The following LGSN variants were observed in gnomAD, a reference collection of about 807,000 sequenced individuals.
The protein encoded by LGSN is lengsin, lens protein with glutamine synthetase domain.
A neutral mutation model predicts 19.5 loss-of-function variants in LGSN; 21 were observed. The observed-to-expected ratio is 1.07, with a 90% CI of 0.76 to 1.55. The LOEUF (loss-of-function observed/expected upper bound fraction) is 1.55. Ranked by LOEUF, LGSN falls within the 40% of genes most tolerant of loss-of-function variation. LGSN has a pLI of 0.00. For synonymous variants in LGSN, 257 were observed against 215.6 expected (o/e 1.19, Z -1.68); for missense variants, 673 against 608.5 (o/e 1.11, Z -1.12).
the LGSN span, among the ~76,000 whole-genome samples, chr6:63,468,701 T>C: frequency 6.6e-6 from 1 of 152,208 alleles, no homozygotes; most frequent in African/African-American, 2.4e-5. Flanking sequence ...GTGCTAGGAT[T>C]ACAGGCATGA....
chr6:63,315,033 A>C (rs946126370), intron 1 of LGSN, among the ~76,000 whole-genome samples: 3 of 152,190 alleles, frequency 2.0e-5, no homozygotes, highest in African/African-American at 7.2e-5. Context: ...GGAATCCAAG[A>C]CAGATGGGAT....
chr6:63,282,603 G>A (rs1170053591), intron 3 of LGSN, among the ~76,000 whole-genome samples: 1 of 152,078 alleles, frequency 6.6e-6, no homozygotes, highest in Non-Finnish European at 1.5e-5. Flanking sequence ...GTAATTTACT[G>A]GTTCACTCTT....
At chr6:63,423,662 TA>T in the LGSN span, among the ~76,000 whole-genome samples, 2 of 151,636 alleles carry the variant, frequency 1.3e-5, no homozygotes, top group African/African-American at 2.4e-5. Context: ...TATGTAATAA[TA>T]AAAAAGTAAT....
chr6:63,459,408 T>A, the LGSN span, among the ~76,000 whole-genome samples: 10 of 152,308 alleles, frequency 6.6e-5, no homozygotes, highest in East Asian at 1.9e-3. Flanking sequence ...TTTTGAATTT[T>A]AAATTTTCTG....
At chr6:63,369,037 A>G in the LGSN span, among the ~76,000 whole-genome samples, 2 of 152,194 alleles carry the variant, frequency 1.3e-5, no homozygotes, top group Non-Finnish European at 2.9e-5. Flanking sequence ...ATAAATGTTG[A>G]GGGTATGTCT....
chr6:63,560,483 A>T, the LGSN span, among the ~76,000 whole-genome samples: 1 of 150,836 alleles, frequency 6.6e-6, no homozygotes, highest in Admixed American at 6.6e-5. Flanking sequence ...ACTCACTGCA[A>T]CCTCTGCCTC....
At chr6:63,553,086 G>A in the LGSN span, among the ~76,000 whole-genome samples, 1 of 152,176 alleles carries the variant, frequency 6.6e-6, no homozygotes, top group Non-Finnish European at 1.5e-5. Flanking sequence ...TTGCAAAGTA[G>A]TAGAGAGAAT....
the LGSN span, among the ~76,000 whole-genome samples, chr6:63,433,014 T>G: frequency 6.6e-6 from 1 of 152,174 alleles, no homozygotes; most frequent in African/African-American, 2.4e-5. Context: ...AGCAAAAGTA[T>G]CTCTCCCTTT....
At chr6:63,386,776 C>T in the LGSN span, among the ~76,000 whole-genome samples, 56 of 152,106 alleles carry the variant, frequency 3.7e-4, no homozygotes, top group Admixed American at 1.2e-3. Flanking sequence ...ATATTATAGT[C>T]GTCTAGTAGC....
chr6:63,489,852 G>C, the LGSN span, among the ~76,000 whole-genome samples: 15 of 152,146 alleles, frequency 9.9e-5, no homozygotes, highest in African/African-American at 3.6e-4. Flanking sequence ...TGAGATTACA[G>C]ACGCATGCCA....
chr6:63,500,539 A>T, the LGSN span, among the ~76,000 whole-genome samples: 82 of 151,958 alleles, frequency 5.4e-4, no homozygotes, highest in Non-Finnish European at 1.0e-3. Flanking sequence ...CTCCTGCCTC[A>T]GCCTCCCAGG....
At chr6:63,516,272 G>A in the LGSN span, among the ~76,000 whole-genome samples, 20 of 152,134 alleles carry the variant, frequency 1.3e-4, no homozygotes, top group African/African-American at 4.8e-4. Flanking sequence ...AAAAGTAAAG[G>A]CTTCATTGCA....
the LGSN span, among the ~76,000 whole-genome samples, chr6:63,428,190 AGGTT>A: frequency 2.4e-4 from 37 of 152,170 alleles, no homozygotes; most frequent in Non-Finnish European, 5.0e-4. Context: ...ACAATAAAGC[AGGTT>A]CCCCAACCTA....
At chr6:63,311,744 A>C (rs1298758652) in intron 1 of LGSN, among the ~76,000 whole-genome samples, 3 of 152,194 alleles carry the variant, frequency 2.0e-5, no homozygotes. Context: ...ATCCACGCAC[A>C]GTTTTTATAA....
At chr6:63,468,811 C>G in the LGSN span, among the ~76,000 whole-genome samples, 3 of 150,564 alleles carry the variant, frequency 2.0e-5, no homozygotes, top group African/African-American at 7.3e-5. Flanking sequence ...TGCAATGGCA[C>G]GGTCTCGGCT....
At chr6:63,511,241 G>C in the LGSN span, among the ~76,000 whole-genome samples, 1 of 141,384 alleles carries the variant, frequency 7.1e-6, no homozygotes, top group South Asian at 2.3e-4. Flanking sequence ...CAAGTAAATA[G>C]ATTTCTTTTT....
At chr6:63,345,422 G>A in the LGSN span, among the ~76,000 whole-genome samples, 3 of 151,978 alleles carry the variant, frequency 2.0e-5, no homozygotes, top group South Asian at 2.1e-4. Flanking sequence ...TTTATTTTCC[G>A]CCAAAAATAA....
the LGSN span, among the ~76,000 whole-genome samples, chr6:63,551,400 A>G: frequency 6.6e-6 from 1 of 152,216 alleles, no homozygotes; most frequent in Non-Finnish European, 1.5e-5. Flanking sequence ...AACAAAAAAT[A>G]GAAAATAGAA....
chr6:63,309,189 T>A (rs537412575), intron 1 of LGSN, among the ~76,000 whole-genome samples: 3 of 152,280 alleles, frequency 2.0e-5, no homozygotes, highest in Admixed American at 2.0e-4. Context: ...TCCCAGCACT[T>A]TGGAGGCCGA....
Sources: gnomAD v4.1 joint callset for allele counts (sites outside exome capture counted in the v4.1 genomes callset) on GRCh38, gnomAD v4.1.1 for gene constraint, MANE v1.5 for transcripts, NCBI Gene and HGNC (gene_info 2026-07-23, HGNC 2026-07-21) for gene names.